Variants in MTDH observed in about 807,000 individuals in gnomAD.
MTDH encodes protein LYRIC.
MTDH carries 34 observed loss-of-function variants against 72.7 expected under a neutral mutation model. The ratio of observed to expected loss-of-function variants is 0.47; its 90% CI spans 0.36 to 0.62. The LOEUF is 0.62. MTDH is among the 20% of genes least tolerant of loss of function. MTDH has a pLI of 0.00. For synonymous variants in MTDH, 266 were observed against 268.9 expected (o/e 0.99, Z 0.10); for missense variants, 677 against 699.4 (o/e 0.97, Z 0.36).
intron 2 of MTDH, among the ~76,000 whole-genome samples, chr8:97,662,876 A>C (rs1180291682): frequency 6.6e-6 from 1 of 151,432 alleles, no homozygotes; most frequent in East Asian, 1.9e-4. Flanking sequence ...TGGCTAAGTC[A>C]CTTCTTCAAA....
chr8:97,712,614 A>G (rs574098993), intron 8 of MTDH, among the ~76,000 whole-genome samples: 54 of 152,296 alleles, frequency 3.5e-4, no homozygotes, highest in African/African-American at 1.3e-3. Flanking sequence ...CATATGTACA[A>G]TCGCTGGGTG....
rs1469580356 is a variant in MTDH, at chr8:97,718,990, A to G, written c.1381-59A>G. On this transcript the variant is annotated intron_variant, in intron 9 of 11. Coordinates refer to ENST00000336273, the MANE Select transcript of MTDH (RefSeq NM_178812.4). ...GGATTACAGCCATACACCACCATAG[A>G]TTTTAATTAATGAAGAATGAATGCT... is the stretch of plus-strand genomic sequence containing the variant. 3.4e-6 allele frequency: 5 copies of G among 1,482,118 alleles called. No individual in the cohort carries two copies. The East Asian group carries it at 1.2e-4, about 35-fold the overall frequency. The allele number at this position is 1,482,118 out of a possible 1,614,324, so 91.8% of individuals were successfully genotyped here. A position where few individuals can be genotyped will look rare whatever the true frequency, so the allele number is the denominator to read the frequency against.
chr8:97,678,839 A>G lies in MTDH; in HGVS notation c.484-7829A>G, dbSNP rs576516424. Among the ~76,000 whole-genome samples the G allele has an allele frequency of 4.4e-4, 67 of 152,188 alleles. 1 individual carries two copies. The South Asian group carries it at 0.013, about 31-fold the overall frequency. On this transcript the variant is annotated intron_variant, in intron 2 of 11. Transcript: ENST00000336273. ...CCAGATACTTTTACAAAGAATTTATACTGAATCTGCCCCTTCACGCTTAAG... is the reference window on the plus strand; with the variant it reads ...CCAGATACTTTTACAAAGAATTTATGCTGAATCTGCCCCTTCACGCTTAAG...
intron 1 of MTDH, among the ~76,000 whole-genome samples, chr8:97,658,450 A>G (rs759717778): frequency 6.6e-6 from 1 of 152,208 alleles, no homozygotes; most frequent in African/African-American, 2.4e-5. Context: ...TTGGGAGGCT[A>G]CATCAATATT....
rs1815445585 is a variant in MTDH at position 97,728,677 on chromosome 8, T to C, written c.*4007T>C. 6.6e-6 allele frequency: 1 copy of C among 151,152 alleles called. No homozygotes were observed. The highest frequency in any genetic ancestry group is 6.6e-5 in the Admixed American group (1 of 15,042). The allele number at this position is 151,152 out of a possible 1,614,324, so 9.4% of individuals were successfully genotyped here. A position where few individuals can be genotyped will look rare whatever the true frequency, so the allele number is the denominator to read the frequency against. On this transcript the variant is annotated 3_prime_UTR_variant, in exon 12 of 12. Transcript: ENST00000336273. The stretch of plus-strand genomic sequence containing the variant: ...TGGCTCATGCCTGTAATCCAAGCTC[T>C]TTGGGAGGCCAACGCGGGAGGATTG...
intron 1 of MTDH, among the ~76,000 whole-genome samples, chr8:97,657,557 A>G (rs1812027499): frequency 6.6e-6 from 1 of 152,004 alleles, no homozygotes; most frequent in Non-Finnish European, 1.5e-5. Flanking sequence ...AGGCTAGAGT[A>G]CAGTGGTGCA....
At position 97,649,607 on chromosome 8, in the gene MTDH, G is replaced by T. The variant is rs533203655; in HGVS notation, c.381+4720G>T. Among the ~76,000 whole-genome samples, 31 of 152,158 alleles carry T rather than the reference G, an allele frequency of 2.0e-4. No individual in the cohort carries two copies. In the South Asian group the frequency reaches 4.1e-3, roughly 20 times the overall value. ...TTTATTTATGATTATTTTCATTTTT[G>T]TTGTTGTTGTTTTTGGAGACCAGAG... On this transcript the variant is annotated intron_variant, in intron 1 of 11. Transcript: ENST00000336273.
intron 2 of MTDH, among the ~76,000 whole-genome samples, chr8:97,667,894 A>AGT (rs1368247906): frequency 5.3e-5 from 8 of 152,220 alleles, no homozygotes; most frequent in African/African-American, 1.9e-4. Context: ...TGAGCTTGAC[A>AGT]ACTTACCAGT....
At chr8:97,645,144 A>G (rs1811517594) in intron 1 of MTDH, among the ~76,000 whole-genome samples, 1 of 152,190 alleles carries the variant, frequency 6.6e-6, no homozygotes, top group African/African-American at 2.4e-5. Context: ...CCGTTCAGAT[A>G]GGCGCCCAGA....
intron 1 of MTDH, among the ~76,000 whole-genome samples, chr8:97,654,373 G>C (rs1811885842): frequency 6.6e-6 from 1 of 152,124 alleles, no homozygotes; most frequent in African/African-American, 2.4e-5. Flanking sequence ...TCTTGAATTT[G>C]TGTAAGAACG....
intron 1 of MTDH, among the ~76,000 whole-genome samples, chr8:97,653,800 T>C (rs1811863144): frequency 1.3e-5 from 2 of 152,246 alleles, no homozygotes; most frequent in South Asian, 2.1e-4. Flanking sequence ...TCTCCAGCTA[T>C]GCTAGTAGTT....
At chr8:97,673,901 A>G (rs1812734958) in intron 2 of MTDH, among the ~76,000 whole-genome samples, 2 of 151,066 alleles carry the variant, frequency 1.3e-5, no homozygotes, top group African/African-American at 4.9e-5. Context: ...CTTGAGCCCA[A>G]GAGGCGGAGG....
At chr8:97,719,457 C>T (rs1348826990) in intron 10 of MTDH, among the ~76,000 whole-genome samples, 2 of 143,590 alleles carry the variant, frequency 1.4e-5, no homozygotes, top group Admixed American at 7.1e-5. Context: ...CACTCCACTG[C>T]ACTCCGGCCT....
At position 97,644,775 on chromosome 8, in the gene MTDH, A is replaced by G. The variant is rs890711236; in HGVS notation, c.269A>G (p.Glu90Gly). 1 of 1,552,590 alleles carries G rather than the reference A, an allele frequency of 6.4e-7. No homozygotes were observed. Among genetic ancestry groups the G allele is most frequent in the Non-Finnish European group, 8.6e-7 (1 of 1,159,340 alleles). The change falls in exon 1 of 12, where the codon GAG (glutamate) becomes GGG (glycine). Residue 90 changes from glutamate (E) to glycine (G), a missense_variant. Glu to Gly is a moderately conservative substitution (Grantham distance 98). Coordinates refer to ENST00000336273, the MANE Select transcript of MTDH (RefSeq NM_178812.4). ...KKRRSPPRKR[E>G]EAAAVPAAAP... ...CGGAGGAGCCCGCCCCGCAAGCGGG[A>G]GGAGGCGGCGGCCGTGCCGGCCGCG...
intron 9 of MTDH, among the ~76,000 whole-genome samples, chr8:97,718,045 C>T (rs539711567): frequency 3.4e-5 from 5 of 145,702 alleles, no homozygotes; most frequent in Non-Finnish European, 7.5e-5. Flanking sequence ...CCACAGCACC[C>T]GGCCTAATTT....
intron 6 of MTDH, chr8:97,696,068 A>G (rs1813823470): frequency 5.2e-6 from 1 of 190,806 alleles, no homozygotes; most frequent in Non-Finnish European, 9.7e-6. Context: ...ATATTCAGTA[A>G]ATAGTAGCTA....
chr8:97,717,303 AC>A (rs1184064626), intron 9 of MTDH, among the ~76,000 whole-genome samples: 2 of 151,154 alleles, frequency 1.3e-5, no homozygotes, highest in Non-Finnish European at 3.0e-5. Flanking sequence ...AAAGAAAAAT[AC>A]AGTAATCCTT....
At position 97,730,053 on chromosome 8, in the gene MTDH, T is replaced by G. The variant is rs567190458; in HGVS notation, c.*5383T>G. 6.6e-6 allele frequency among the ~76,000 whole-genome samples: 1 copy of G among 152,326 alleles called. No homozygotes were observed. Among genetic ancestry groups the G allele is most frequent in the African/African-American group, 2.4e-5 (1 of 41,580 alleles). ...TGTATATAGTGTGTTGTAAGACATT[T>G]GCCAGCTAATAGTTACAGTACTGAA... On this transcript the variant is annotated 3_prime_UTR_variant, in exon 12 of 12. Coordinates refer to ENST00000336273, the MANE Select transcript of MTDH (RefSeq NM_178812.4).
chr8:97,718,044 C>T (rs1042437027), intron 9 of MTDH, among the ~76,000 whole-genome samples: 3 of 144,976 alleles, frequency 2.1e-5, no homozygotes, highest in African/African-American at 5.2e-5. Context: ...GCCACAGCAC[C>T]CGGCCTAATT....
Sources: gnomAD v4.1 joint callset for allele counts (sites outside exome capture counted in the v4.1 genomes callset) on GRCh38, gnomAD v4.1.1 for gene constraint, MANE v1.5 for transcripts, NCBI Gene and HGNC (gene_info 2026-07-23, HGNC 2026-07-21) for gene names.